The following NPAS2 variants were observed in gnomAD, a reference collection of about 807,000 sequenced individuals.
NPAS2 encodes neuronal PAS domain protein 2, also known as neuronal PAS domain-containing protein 2.
In NPAS2, 23 loss-of-function variants were observed where a neutral mutation model predicts 107.5. The ratio of observed to expected loss-of-function variants is 0.21; its 90% confidence interval spans 0.15 to 0.30. NPAS2 has a LOEUF of 0.30. NPAS2 is among the 10% of genes least tolerant of loss of function. NPAS2 has a pLI of 1.00. For missense variants in NPAS2, 756 were observed against 1,043.3 expected, an observed-to-expected ratio of 0.72 and a Z score of 3.79; for synonymous variants, 403 against 417.5, an observed-to-expected ratio of 0.97 and a Z score of 0.42.
chr2:100,857,574 G>A (rs2104510387), intron 1 of NPAS2, among the ~76,000 whole-genome samples: 1 of 152,282 alleles, frequency 6.6e-6, no homozygotes, highest in South Asian at 2.1e-4. Context: ...GTAACCATTG[G>A]ATAGGTCACT....
chr2:100,956,191 C>A (rs1027296858), intron 7 of NPAS2, among the ~76,000 whole-genome samples: 2 of 152,222 alleles, frequency 1.3e-5, no homozygotes, highest in African/African-American at 4.8e-5. Context: ...CAGGCACAAG[C>A]CACGCACCCG....
intron 1 of NPAS2, among the ~76,000 whole-genome samples, chr2:100,873,365 TATATATATATATTTTTTCAA>T (rs1483813799): frequency 1.4e-5 from 2 of 138,578 alleles, no homozygotes; most frequent in African/African-American, 5.8e-5. Flanking sequence ...CACATATGTG[TATATATATATATTTTTTCAA>T]ATATATATAT....
intron 1 of NPAS2, among the ~76,000 whole-genome samples, chr2:100,838,647 AC>A (rs1677209644): frequency 6.6e-6 from 1 of 152,006 alleles, no homozygotes; most frequent in Non-Finnish European, 1.5e-5. Flanking sequence ...GGGTCAGAAG[AC>A]CCCTGGTCTA....
At chr2:100,839,818 T>G (rs141710544) in intron 1 of NPAS2, among the ~76,000 whole-genome samples, 78 of 152,330 alleles carry the variant, frequency 5.1e-4, no homozygotes, top group African/African-American at 1.9e-3. Context: ...GAGTTTTTGT[T>G]TCATATCAGT....
At chr2:100,893,710 T>C (rs1428464368) in intron 1 of NPAS2, among the ~76,000 whole-genome samples, 1 of 152,250 alleles carries the variant, frequency 6.6e-6, no homozygotes, top group Non-Finnish European at 1.5e-5. Flanking sequence ...GGCAAACTGC[T>C]GTCTGGGGAC....
At chr2:100,882,915 T>C (rs1467284137) in intron 1 of NPAS2, among the ~76,000 whole-genome samples, 1 of 152,158 alleles carries the variant, frequency 6.6e-6, no homozygotes, top group East Asian at 1.9e-4. Context: ...AGGGGCCCAC[T>C]CCTTTTACCT....
chr2:100,975,909 T>C (rs571176267), intron 14 of NPAS2, among the ~76,000 whole-genome samples: 4 of 152,272 alleles, frequency 2.6e-5, no homozygotes, highest in South Asian at 2.1e-4. Context: ...CCTTTCATGC[T>C]GGTGAAAATA....
At chr2:100,928,508 A>T (rs1362639119) in intron 3 of NPAS2, among the ~76,000 whole-genome samples, 2 of 152,124 alleles carry the variant, frequency 1.3e-5, no homozygotes, top group Non-Finnish European at 2.9e-5. Flanking sequence ...CCTGGAAAGG[A>T]TAAGTCAGCA....
At chr2:100,940,440 A>G (rs1187372448) in intron 5 of NPAS2, among the ~76,000 whole-genome samples, 1 of 152,194 alleles carries the variant, frequency 6.6e-6, no homozygotes, top group Admixed American at 6.5e-5. Context: ...CAACATTTCA[A>G]AACTTGTGAG....
intron 5 of NPAS2, 57 bp from the exon 6 acceptor site, chr2:100,948,178 G>C: frequency 1.3e-6 from 2 of 1,585,358 alleles, no homozygotes; most frequent in Admixed American, 1.9e-5. Flanking sequence ...TTTTGTTTTT[G>C]CTTCTGTTTT....
At chr2:100,912,811 C>T (rs551289969) in intron 2 of NPAS2, among the ~76,000 whole-genome samples, 1 of 152,224 alleles carries the variant, frequency 6.6e-6, no homozygotes. Flanking sequence ...TCATCAGGAG[C>T]CAGCCTCCAA....
At chr2:100,869,785 A>G (rs1679454933) in intron 1 of NPAS2, among the ~76,000 whole-genome samples, 1 of 151,618 alleles carries the variant, frequency 6.6e-6, no homozygotes, top group African/African-American at 2.4e-5. Context: ...CCTTATCCAC[A>G]CAATATCAAA....
intron 1 of NPAS2, among the ~76,000 whole-genome samples, chr2:100,842,299 T>A (rs1178596327): frequency 1.3e-5 from 2 of 152,182 alleles, no homozygotes; most frequent in African/African-American, 2.4e-5. Flanking sequence ...ATCCTTTCCA[T>A]CCCATCTCCA....
chr2:100,849,087 T>C (rs1340620734), intron 1 of NPAS2, among the ~76,000 whole-genome samples: 1 of 152,226 alleles, frequency 6.6e-6, no homozygotes, highest in Middle Eastern at 3.2e-3. Context: ...TGCTGGGAAG[T>C]GGAAGGCAGT....
Position 100,941,130 on chromosome 2 carries a change from A to G in NPAS2, c.363+3288A>G, listed in dbSNP as rs547738005. 4.8e-4 allele frequency among the ~76,000 whole-genome samples: 73 copies of G among 152,326 alleles called. 1 individual carries two copies. The highest frequency in any genetic ancestry group is 6.8e-3 in the Middle Eastern group (2 of 294). On this transcript the variant is annotated intron_variant, in intron 5 of 20. Coordinates refer to ENST00000335681, the MANE Select transcript of NPAS2 (RefSeq NM_002518.4). ...CTTCAAGTCTCTCTCTGTTTCCTTC[A>G]CACTGCCAACATCTCAGATGTAACA...
chr2:100,956,201 G>A (rs959410405), intron 7 of NPAS2, among the ~76,000 whole-genome samples: 2 of 152,202 alleles, frequency 1.3e-5, no homozygotes, highest in African/African-American at 4.8e-5. Flanking sequence ...CCACGCACCC[G>A]GCTTAACTTT....
intron 5 of NPAS2, among the ~76,000 whole-genome samples, chr2:100,939,978 G>C (rs990767353): frequency 6.6e-6 from 1 of 152,208 alleles, no homozygotes; most frequent in Non-Finnish European, 1.5e-5. Context: ...GACACATACA[G>C]TGAGTCAGCC....
intron 2 of NPAS2, among the ~76,000 whole-genome samples, chr2:100,914,593 A>T: frequency 6.6e-6 from 1 of 152,152 alleles, no homozygotes; most frequent in East Asian, 1.9e-4. Flanking sequence ...ATGTTTCTTC[A>T]AGAGTCTCTT....
At chr2:100,947,503 G>C (rs961090627) in intron 5 of NPAS2, among the ~76,000 whole-genome samples, 6 of 146,748 alleles carry the variant, frequency 4.1e-5, no homozygotes, top group Non-Finnish European at 9.0e-5. Flanking sequence ...AGTGAGCCGA[G>C]ATCACACCAT....
Sources: allele counts gnomAD v4.1 joint callset (sites outside exome capture counted in the v4.1 genomes callset), GRCh38; gene constraint gnomAD v4.1.1; transcripts MANE v1.5; gene names NCBI Gene and HGNC (gene_info 2026-07-23, HGNC 2026-07-21).